The following INF2 variants were observed in gnomAD, a reference collection of about 807,000 sequenced individuals.
INF2 encodes inverted formin-2.
INF2 carries 43 observed loss-of-function variants against 123.5 expected under a neutral mutation model. That is an observed-to-expected ratio of 0.35 (90% CI 0.27 to 0.45). INF2 has a LOEUF of 0.45. Among genes scored for constraint, INF2 ranks in the 20% least tolerant of loss-of-function variants. The pLI is 1.00. For synonymous variants in INF2, 851 were observed against 745.0 expected, an observed-to-expected ratio of 1.14 and a Z score of -2.32; for missense variants, 1,453 against 1,682.7, an observed-to-expected ratio of 0.86 and a Z score of 2.39.
chr14:104,709,978 A>C, intron 12 of INF2, 110 bp from the exon 13 acceptor site: 1 of 991,370 alleles, frequency 1.0e-6, no homozygotes, highest in South Asian at 1.4e-5. Context: ...CAGGCGGTGG[A>C]AACCCCCTCC....
At chr14:104,700,876 C>T (rs1173235936) in intron 1 of INF2, 4 of 985,282 alleles carry the variant, frequency 4.1e-6, no homozygotes, top group Non-Finnish European at 4.8e-6. Flanking sequence ...TTTGGAATCT[C>T]CCTGTCCATA....
At chr14:104,689,920 C>T (rs890023046) in intron 1 of INF2, among the ~76,000 whole-genome samples, 181 bp downstream of exon 1, 2 of 151,800 alleles carry the variant, frequency 1.3e-5, no homozygotes, top group Non-Finnish European at 2.9e-5. Flanking sequence ...GCGCCCCTGG[C>T]CCCCCCGGCT....
At chr14:104,696,237 C>G (rs964306715) in intron 1 of INF2, among the ~76,000 whole-genome samples, 5 of 152,228 alleles carry the variant, frequency 3.3e-5, no homozygotes, top group Non-Finnish European at 7.3e-5. Flanking sequence ...AGTTCAAGAT[C>G]TTGGAGGGCT....
At chr14:104,695,035 T>C (rs1192999037) in intron 1 of INF2, among the ~76,000 whole-genome samples, 3 of 152,132 alleles carry the variant, frequency 2.0e-5, no homozygotes, top group Non-Finnish European at 2.9e-5. Context: ...GGAGGAGGCA[T>C]CTCTGAGTAT....
chr14:104,710,234 C>A, intron 13 of INF2, 46 bp downstream of exon 13: 16 of 1,408,736 alleles, frequency 1.1e-5, no homozygotes, highest in Non-Finnish European at 1.6e-5. Flanking sequence ...GACAGGCCTC[C>A]GAACCGGGGC....
chr14:104,709,444 TC>T (rs1383606248), intron 11 of INF2, 61 bp downstream of exon 11: 3 of 1,390,474 alleles, frequency 2.2e-6, no homozygotes, highest in African/African-American at 2.8e-5. Context: ...GGAGAGGCTG[TC>T]CCGGGGGCTC....
At chr14:104,712,311 C>G in intron 16 of INF2, 122 bp from the exon 17 acceptor site, 1 of 1,347,770 alleles carries the variant, frequency 7.4e-7, no homozygotes, top group Non-Finnish European at 1.0e-6. Context: ...CACGTGCAGC[C>G]TCAGAGTACA....
At chr14:104,684,879 G>C (rs1479188080), upstream of INF2, 2 of 152,208 alleles carry the variant, frequency 1.3e-5, no homozygotes, top group African/African-American at 2.4e-5. The surrounding 1 kb of genome is among the most constrained non-coding windows in gnomAD (Gnocchi z 5.0). Context: ...GTACACAATA[G>C]AGTTATTTAT....
intron 15 of INF2, 21 bp downstream of exon 15, chr14:104,711,207 C>T (rs763099817): frequency 2.6e-6 from 4 of 1,538,128 alleles, no homozygotes; most frequent in African/African-American, 2.7e-5. Context: ...GTGGCGGGGG[C>T]ATAATGGGAG....
At chr14:104,700,599 C>G (rs1889431998) in intron 1 of INF2, among the ~76,000 whole-genome samples, 1 of 152,184 alleles carries the variant, frequency 6.6e-6, no homozygotes, top group Non-Finnish European at 1.5e-5. Flanking sequence ...ACCCGCCTGT[C>G]CTGCTGTTCT....
chr14:104,712,615 G>A (rs1026685471), intron 17 of INF2, 62 bp downstream of exon 17: 43 of 1,607,320 alleles, frequency 2.7e-5, no homozygotes, highest in Admixed American at 1.2e-4. Context: ...TGAGCTGGGC[G>A]AGTGGCTGTG....
At chr14:104,717,296 C>G (rs574578087) in intron 22 of INF2, among the ~76,000 whole-genome samples, 1 of 37,050 alleles carries the variant, frequency 2.7e-5, no homozygotes, top group Non-Finnish European at 6.4e-5. Flanking sequence ...TCCTCCCAGT[C>G]CCCCCCCCGG....
chr14:104,716,109 G>T (rs1890289419), intron 22 of INF2: 3 of 365,272 alleles, frequency 8.2e-6, no homozygotes, highest in Non-Finnish European at 1.6e-5. Flanking sequence ...AGAACCAGAA[G>T]GTCCAGCCCG....
chr14:104,707,694 T>TACC lies in INF2; in HGVS notation c.1434_1436dup (p.Pro479dup), dbSNP rs1232300513. The TACC allele has an allele frequency of 7.6e-6, 5 of 656,638 alleles. No homozygotes were observed. The South Asian group carries it at 7.6e-5, about 10-fold the overall frequency. The allele number at this position is 656,638 out of a possible 1,614,324, so 40.7% of individuals were successfully genotyped here. A position where few individuals can be genotyped will look rare whatever the true frequency, so the allele number is the denominator to read the frequency against. The stretch of plus-strand genomic sequence containing the variant: ...GCCATGGCCCCCCCAGCACCTCCTC[T>TACC]ACCACCACCCCTGCCAGGCTCCTGT... On this transcript the variant is annotated inframe_insertion, in exon 8 of 23. Transcript: ENST00000392634.
At chr14:104,706,407 A>C (rs923833310) in intron 6 of INF2, among the ~76,000 whole-genome samples, 1 of 152,180 alleles carries the variant, frequency 6.6e-6, no homozygotes, top group East Asian at 1.9e-4. Flanking sequence ...CCCTGGGGGC[A>C]AAGCCAGGGC....
intron 1 of INF2, among the ~76,000 whole-genome samples, chr14:104,691,755 G>T (rs927027433): frequency 6.6e-6 from 1 of 152,102 alleles, no homozygotes; most frequent in East Asian, 1.9e-4. Context: ...TCGCTGGAGG[G>T]GTGAGCAGGG....
rs756038490 is a variant in INF2, at chr14:104,709,336, G to A, written c.2005G>A (p.Val669Met). 7 of 1,613,188 alleles carry A rather than the reference G, an allele frequency of 4.3e-6. No homozygotes were observed. In the Admixed American group the frequency reaches 8.3e-5, roughly 19 times the overall value. Residue 669 changes from valine to methionine, a missense_variant, in exon 11 of 23, where the codon GTG becomes ATG. Val to Met is a conservative substitution (Grantham distance 21). Around this residue, in one of 8 missense-constraint regions of INF2, gnomAD observed 192 missense variants for 274.4 expected, o/e 0.70. Coordinates refer to ENST00000392634, the MANE Select transcript of INF2 (RefSeq NM_022489.4). ...GGCTGGAGATACCACCAAGTTTGAT[G>A]TGGAGGTTCTCAAACAACTCCTTAA... ...IRAGDTTKFD[V>M]EVLKQLLKLL... is the part of the protein sequence containing the mutation.
At chr14:104,688,297 A>G (rs1888740770), upstream of INF2, among the ~76,000 whole-genome samples, 2 of 152,246 alleles carry the variant, frequency 1.3e-5, no homozygotes, top group South Asian at 4.1e-4. Flanking sequence ...TGGGCAGGGC[A>G]AGGTCCGCAC....
intron 20 of INF2, 67 bp from the exon 21 acceptor site, chr14:104,714,136 G>A: frequency 1.5e-6 from 2 of 1,344,188 alleles, no homozygotes; most frequent in Non-Finnish European, 2.0e-6. Flanking sequence ...GCGGAATGGA[G>A]GAGGCTGCAC....
Sources: allele counts gnomAD v4.1 joint callset (sites outside exome capture counted in the v4.1 genomes callset), GRCh38; gene constraint gnomAD v4.1.1; regional missense constraint gnomAD v4.1.1; non-coding constraint Gnocchi (gnomAD v3.1); transcripts MANE v1.5; gene names NCBI Gene and HGNC (gene_info 2026-07-23, HGNC 2026-07-21).